PHACTR3: variants seen among roughly 807,000 people sequenced by gnomAD.
PHACTR3 encodes protein phosphatase 1, regulatory subunit 123.
PHACTR3 carries 16 observed loss-of-function variants against 66.8 expected under a neutral mutation model. The ratio of observed to expected loss-of-function variants is 0.24; its 90% CI spans 0.16 to 0.36. The LOEUF (loss-of-function observed/expected upper bound fraction) is 0.36, where lower values mean the gene tolerates loss of function less well. PHACTR3 is among the 10% of genes least tolerant of loss of function. PHACTR3 has a pLI of 1.00. For missense variants in PHACTR3, 647 were observed against 719.9 expected (o/e 0.90, Z 1.16); for synonymous variants, 323 against 292.1 (o/e 1.11, Z -1.08).
In PHACTR3 at chr20:59,606,303, T is replaced by C. The variant is rs201342988; in HGVS notation, c.118+1171T>C. ...GGCAGCTGTGTGGGCACTGGATCCCTCCCCCCCCCATTTGAAAATTTAAAC... is the reference window on the plus strand; with the variant it reads ...GGCAGCTGTGTGGGCACTGGATCCCCCCCCCCCCCATTTGAAAATTTAAAC... On this transcript the variant is annotated intron_variant, in intron 1 of 12. Transcript: ENST00000371015. 2.1e-4 allele frequency among the ~76,000 whole-genome samples: 32 copies of C among 151,134 alleles called. No homozygotes were observed. In the East Asian group the frequency reaches 3.9e-3, roughly 18 times the overall value.
At chr20:59,630,440 C>A (rs1414638607) in intron 1 of PHACTR3, among the ~76,000 whole-genome samples, 1 of 152,204 alleles carries the variant, frequency 6.6e-6, no homozygotes, top group African/African-American at 2.4e-5. Flanking sequence ...GCCTAGGCCT[C>A]CCAAAGTGCT....
At chr20:59,686,805 TGTGATGATGATG>T (rs2036897159) in intron 1 of PHACTR3, among the ~76,000 whole-genome samples, 2 of 54,660 alleles carry the variant, frequency 3.7e-5, no homozygotes, top group South Asian at 1.3e-3. Flanking sequence ...TGGTGATGAT[TGTGATGATGATG>T]GTGATGGTGG....
chr20:59,696,952 A>G (rs2037320698), intron 1 of PHACTR3, among the ~76,000 whole-genome samples: 1 of 152,190 alleles, frequency 6.6e-6, no homozygotes, highest in Non-Finnish European at 1.5e-5. Flanking sequence ...TCTATTGGTG[A>G]TGATCCAGTA....
At chr20:59,676,255 T>C (rs2146527518) in intron 1 of PHACTR3, among the ~76,000 whole-genome samples, 1 of 152,312 alleles carries the variant, frequency 6.6e-6, no homozygotes, top group African/African-American at 2.4e-5. Flanking sequence ...GTTCTGTATA[T>C]GGGATTCAGG....
chr20:59,761,266 C>A (rs1007094875), intron 4 of PHACTR3, among the ~76,000 whole-genome samples: 6 of 152,052 alleles, frequency 3.9e-5, no homozygotes, highest in African/African-American at 1.4e-4. Flanking sequence ...TGGTGGCTGC[C>A]CTTAACCACT....
chr20:59,791,824 A>G (rs1226948934), intron 7 of PHACTR3, among the ~76,000 whole-genome samples: 1 of 144,036 alleles, frequency 6.9e-6, no homozygotes, highest in Admixed American at 7.2e-5. Flanking sequence ...TTGTATTTCT[A>G]TTTATTTTTG....
At chr20:59,842,236 T>C (rs1039691123) in intron 11 of PHACTR3, among the ~76,000 whole-genome samples, 1 of 152,216 alleles carries the variant, frequency 6.6e-6, no homozygotes, top group Non-Finnish European at 1.5e-5. Context: ...AGAGTGTCCA[T>C]AGAGTTTTGT....
intron 7 of PHACTR3, among the ~76,000 whole-genome samples, chr20:59,780,870 G>A (rs1470550617): frequency 6.6e-6 from 1 of 152,182 alleles, no homozygotes; most frequent in Non-Finnish European, 1.5e-5. Context: ...TTCTTATGAA[G>A]GTCAACAGGG....
intron 7 of PHACTR3, among the ~76,000 whole-genome samples, chr20:59,783,013 C>T (rs1050590041): frequency 2.0e-5 from 3 of 152,088 alleles, no homozygotes; most frequent in Non-Finnish European, 4.4e-5. Context: ...TGAATGCTAA[C>T]GTGTTATTTG....
intron 1 of PHACTR3, among the ~76,000 whole-genome samples, chr20:59,593,562 T>C (rs2033246773): frequency 6.6e-6 from 1 of 152,196 alleles, no homozygotes; most frequent in South Asian, 2.1e-4. Context: ...GCATCTAAAA[T>C]GTCCTCACAA....
intron 1 of PHACTR3, among the ~76,000 whole-genome samples, chr20:59,619,730 C>G (rs1440447570): frequency 6.6e-6 from 1 of 152,172 alleles, no homozygotes; most frequent in Non-Finnish European, 1.5e-5. Flanking sequence ...CAATAGAAAA[C>G]TAATACGGGG....
chr20:59,744,715 C>G (rs971576569), intron 2 of PHACTR3, among the ~76,000 whole-genome samples: 2 of 152,194 alleles, frequency 1.3e-5, no homozygotes, highest in Admixed American at 6.5e-5. Context: ...TAGATGAATT[C>G]TTGTTGAAGT....
Position 59,811,651 on chromosome 20 carries a change from CAG to C in PHACTR3, c.1328+5458_1328+5459del, listed in dbSNP as rs368626111. ...TCCAGCCTGGGCAACAGGGCAAAGA[CAG>C]GGGGGTTGGGGGTGGTGGCAGTGCA... On this transcript the variant is annotated intron_variant, in intron 8 of 12. Transcript: ENST00000371015. Among the ~76,000 whole-genome samples, 1,199 of 145,178 alleles carry C rather than the reference CAG, an allele frequency of 8.3e-3. 7 individuals carry two copies. The highest frequency in any genetic ancestry group is 0.012 in the Non-Finnish European group (827 of 67,088).
intron 4 of PHACTR3, among the ~76,000 whole-genome samples, chr20:59,766,757 C>A (rs1174002769): frequency 6.6e-6 from 1 of 152,208 alleles, no homozygotes; most frequent in Non-Finnish European, 1.5e-5. Flanking sequence ...AACTGAGAAA[C>A]AATCCTGTGA....
intron 1 of PHACTR3, among the ~76,000 whole-genome samples, chr20:59,716,947 G>A (rs1286040121): frequency 6.6e-6 from 1 of 152,102 alleles, no homozygotes; most frequent in Non-Finnish European, 1.5e-5. Flanking sequence ...CTCCCTGATG[G>A]GTCCCCATGC....
At chr20:59,845,458 AG>A (rs1479753968) in intron 12 of PHACTR3, among the ~76,000 whole-genome samples, 193 bp downstream of exon 12, 2 of 152,142 alleles carry the variant, frequency 1.3e-5, no homozygotes, top group African/African-American at 4.8e-5. Flanking sequence ...ACTTGGTGAA[AG>A]GTGATATGTA....
exon 1 of PHACTR3, chr20:59,577,552 T>A: frequency 8.4e-7 from 1 of 1,190,364 alleles, no homozygotes; most frequent in Non-Finnish European, 1.0e-6. Context: ...CCTGCGCCCC[T>A]GCGCTCGCTG....
intron 4 of PHACTR3, among the ~76,000 whole-genome samples, chr20:59,756,472 C>T (rs1051643709): frequency 1.3e-5 from 2 of 152,160 alleles, no homozygotes; most frequent in Admixed American, 6.5e-5. Context: ...CCGTCCACAA[C>T]GCCCCTGCAG....
At chr20:59,753,587 CA>C in intron 3 of PHACTR3, among the ~76,000 whole-genome samples, 1 of 152,294 alleles carries the variant, frequency 6.6e-6, no homozygotes, top group Middle Eastern at 3.4e-3. Context: ...CCATCACCAA[CA>C]ACAATGACAG....
Sources: allele counts gnomAD v4.1 joint callset (sites outside exome capture counted in the v4.1 genomes callset), GRCh38; gene constraint gnomAD v4.1.1; transcripts MANE v1.5; gene names NCBI Gene and HGNC (gene_info 2026-07-23, HGNC 2026-07-21).